SMYD4: variants seen among roughly 807,000 people sequenced by gnomAD.
The protein encoded by SMYD4 is protein-lysine N-methyltransferase SMYD4.
Under a neutral mutation model 72.8 loss-of-function variants are expected in SMYD4, and 68 were observed. That is an observed-to-expected ratio of 0.93 (90% confidence interval 0.77 to 1.14). The LOEUF (loss-of-function observed/expected upper bound fraction) is 1.14, where lower values mean the gene tolerates loss of function less well. SMYD4 is among the 50% of genes most tolerant of loss of function. SMYD4 has a pLI of 0.00. For missense variants in SMYD4, 984 were observed against 1,003.7 expected (o/e 0.98, Z 0.27); for synonymous variants, 407 against 388.6 (o/e 1.05, Z -0.56).
At chr17:1,810,187 G>A (rs769206872) in intron 3 of SMYD4, among the ~76,000 whole-genome samples, 238 of 152,290 alleles carry the variant, frequency 1.6e-3, no homozygotes, top group Middle Eastern at 6.8e-3. Context: ...TGACAGACAT[G>A]GGCAAGGCAG....
At position 1,783,140 on chromosome 17, in the gene SMYD4, G is replaced by A. The variant is rs1041074295; in HGVS notation, c.2156C>T (p.Ala719Val). 39 of 1,614,024 alleles carry A rather than the reference G, an allele frequency of 2.4e-5. No individual in the cohort carries two copies. Among genetic ancestry groups the A allele is most frequent in the Non-Finnish European group, 3.2e-5 (38 of 1,180,038 alleles). Reference protein sequence around the residue: ...CAALGDWQKSATHLQRSLYVV... With the variant: ...CAALGDWQKSVTHLQRSLYVV... The stretch of plus-strand genomic sequence containing the variant: ...GTAGAGACTCCTCTGTAGATGGGTG[G>A]CTGACTTTTGCCAGTCTCCTGTGAG... The change falls in exon 10 of 11, where the codon GCC (alanine) becomes GTC (valine). Residue 719 changes from alanine (A) to valine (V), a missense_variant. Transcript: ENST00000305513.
chr17:1,803,921 G>A (rs1909899378), intron 4 of SMYD4, among the ~76,000 whole-genome samples: 1 of 151,614 alleles, frequency 6.6e-6, no homozygotes, highest in Non-Finnish European at 1.5e-5. Context: ...CTGTTGCCAG[G>A]CTGGAGTGCA....
intron 5 of SMYD4, 115 bp from the exon 6 acceptor site, chr17:1,787,719 G>T: frequency 1.9e-6 from 2 of 1,051,122 alleles, no homozygotes; most frequent in Non-Finnish European, 2.7e-6. Flanking sequence ...GTGAGTCATG[G>T]CTCCACAGCC....
At chr17:1,788,309 A>G (rs1016941780) in intron 5 of SMYD4, among the ~76,000 whole-genome samples, 1 of 151,814 alleles carries the variant, frequency 6.6e-6, no homozygotes, top group Admixed American at 6.6e-5. Flanking sequence ...CCAGGATTGC[A>G]CCACTGCACT....
chr17:1,782,158 C>T (rs868628128), intron 10 of SMYD4: 1 of 152,258 alleles, frequency 6.6e-6, no homozygotes, highest in South Asian at 2.1e-4. Flanking sequence ...TTCCTTTTAA[C>T]CTTCAAAGTA....
intron 5 of SMYD4, among the ~76,000 whole-genome samples, chr17:1,798,012 A>G (rs972918803): frequency 6.6e-6 from 1 of 152,102 alleles, no homozygotes; most frequent in Non-Finnish European, 1.5e-5. Context: ...AGAAAAAAAA[A>G]GAAAAAAAGG....
chr17:1,800,968 T>C lies in SMYD4; in HGVS notation c.426A>G (p.Gln142=). The C allele has an allele frequency of 1.2e-6, 2 of 1,614,054 alleles. No homozygotes were observed. The highest frequency in any genetic ancestry group is 2.7e-5 in the African/African-American group (2 of 75,050). Reference sequence around the variant, plus strand: ...CTGCTTTACGTAACATAATCTTGGGTTGCAACCTTTCTGGATACCCATGTG... The same window carrying C: ...CTGCTTTACGTAACATAATCTTGGGCTGCAACCTTTCTGGATACCCATGTG... ...AQTHGYPERL[Q]PKIMLRKAEC... Residue 142 remains glutamine (Q), a synonymous_variant, in exon 5 of 11, where the codon CAA becomes CAG. Coordinates refer to ENST00000305513, the MANE Select transcript of SMYD4 (RefSeq NM_052928.3).
intron 2 of SMYD4, 105 bp downstream of exon 2, chr17:1,827,756 A>G: frequency 7.1e-7 from 1 of 1,401,604 alleles, no homozygotes; most frequent in Non-Finnish European, 9.5e-7. Flanking sequence ...GGAAACAAGC[A>G]AGACTCAATC....
intron 5 of SMYD4, 22 bp from the exon 6 acceptor site, chr17:1,787,626 A>G (rs754314599): frequency 1.9e-6 from 3 of 1,554,894 alleles, no homozygotes; most frequent in African/African-American, 2.7e-5. Context: ...AGAGGAAAGA[A>G]GGAAAAAGGT....
chr17:1,786,681 C>T, intron 7 of SMYD4, 129 bp downstream of exon 7: 1 of 1,103,258 alleles, frequency 9.1e-7, no homozygotes, highest in Non-Finnish European at 1.3e-6. Context: ...GGATGACTGG[C>T]TAAAATGGAG....
At position 1,800,818 on chromosome 17, in the gene SMYD4, A is replaced by T; in HGVS notation, c.576T>A (p.His192Gln). 1 of 1,614,134 alleles carries T rather than the reference A, an allele frequency of 6.2e-7. No homozygotes were observed. The highest frequency in any genetic ancestry group is 8.5e-7 in the Non-Finnish European group (1 of 1,180,032). Residue 192 changes from histidine to glutamine, a missense_variant, in exon 5 of 11, where the codon CAT becomes CAA. His to Gln is a conservative substitution (Grantham distance 24). Coordinates refer to ENST00000305513, the MANE Select transcript of SMYD4 (RefSeq NM_052928.3). ...VLPQTLQRNL[H>Q]RLKMKMQEKD... ...TTTCTTGCATCTTCATTTTCAGACG[A>T]TGGAGGTTTCTCTGCAGAGTCTGAG...
At position 1,794,007 on chromosome 17, in the gene SMYD4, G is replaced by GTGTA. The variant is rs1555575665; in HGVS notation, c.1537+5849_1537+5850insTACA. On this transcript the variant is annotated intron_variant, in intron 5 of 10. Transcript: ENST00000305513. ...GGCTAATTTTTGTGTATATATATAT[G>GTGTA]TATATATATATATGTGTGTATATAT... Among the ~76,000 whole-genome samples the GTGTA allele has an allele frequency of 5.4e-3, 441 of 81,230 alleles. 9 individuals carry two copies. Among genetic ancestry groups the GTGTA allele is most frequent in the African/African-American group, 0.023 (421 of 18,368 alleles). The allele number at this position is 81,230 out of a possible 152,430, so 53.3% of individuals were successfully genotyped here.
chr17:1,816,429 C>T (rs1172126265), intron 2 of SMYD4, among the ~76,000 whole-genome samples: 1 of 151,530 alleles, frequency 6.6e-6, no homozygotes, highest in East Asian at 2.0e-4. Flanking sequence ...ACCGTCCTGG[C>T]TAACAAGGTG....
intron 3 of SMYD4, among the ~76,000 whole-genome samples, chr17:1,809,453 C>A (rs1910211262): frequency 6.6e-6 from 1 of 151,202 alleles, no homozygotes; most frequent in Non-Finnish European, 1.5e-5. Context: ...CGGCTCACTG[C>A]AACCTCTGCC....
At chr17:1,804,886 G>A (rs564371234) in intron 3 of SMYD4, among the ~76,000 whole-genome samples, 171 bp from the exon 4 acceptor site, 1 of 152,192 alleles carries the variant, frequency 6.6e-6, no homozygotes, top group Non-Finnish European at 1.5e-5. Context: ...GCTGTGAAGA[G>A]CAAGTGAGGA....
chr17:1,793,003 G>A (rs901517137), intron 5 of SMYD4, among the ~76,000 whole-genome samples: 2 of 151,970 alleles, frequency 1.3e-5, no homozygotes, highest in Non-Finnish European at 2.9e-5. Context: ...CGGCGGCCTC[G>A]ACCTCCTGGG....
intron 3 of SMYD4, among the ~76,000 whole-genome samples, chr17:1,805,544 G>A (rs955864350): frequency 3.3e-5 from 5 of 152,104 alleles, no homozygotes; most frequent in East Asian, 3.9e-4. Context: ...GGGCATGGTG[G>A]CTCATGCCTG....
chr17:1,816,602 A>G (rs1910610516), intron 2 of SMYD4, among the ~76,000 whole-genome samples: 1 of 151,538 alleles, frequency 6.6e-6, no homozygotes, highest in Non-Finnish European at 1.5e-5. Flanking sequence ...CCTGGGCGAC[A>G]AAGCGAGACT....
chr17:1,805,386 G>C (rs1216474257), intron 3 of SMYD4, among the ~76,000 whole-genome samples: 7 of 152,154 alleles, frequency 4.6e-5, no homozygotes, highest in Non-Finnish European at 1.0e-4. Context: ...TAGTGCCTGA[G>C]TGACAGAGTT....
Sources: gnomAD v4.1 joint callset for allele counts (sites outside exome capture counted in the v4.1 genomes callset) on GRCh38, gnomAD v4.1.1 for gene constraint, MANE v1.5 for transcripts, NCBI Gene and HGNC (gene_info 2026-07-23, HGNC 2026-07-21) for gene names.